The following PCDH9 variants were observed in gnomAD, a reference collection of about 807,000 sequenced individuals.
PCDH9 encodes the protein protocadherin-9.
Under a neutral mutation model 70.6 loss-of-function variants are expected in PCDH9, and 24 were observed. The observed-to-expected ratio is 0.34, with a 90% CI of 0.25 to 0.48. PCDH9 has a LOEUF of 0.48. Ranked by LOEUF, PCDH9 falls within the 20% of genes least tolerant of loss-of-function variation. The pLI, the probability that PCDH9 is intolerant of heterozygous loss-of-function variation, is 0.99. For synonymous variants in PCDH9, 562 were observed against 558.5 expected (o/e 1.01, Z -0.09); for missense variants, 1,281 against 1,503.6 (o/e 0.85, Z 2.45).
chr13:67,179,456 C>T (rs955987887), intron 2 of PCDH9, among the ~76,000 whole-genome samples: 7 of 152,046 alleles, frequency 4.6e-5, no homozygotes, highest in African/African-American at 9.7e-5. Context: ...ATACATATTC[C>T]GTACACAACT....
chr13:66,427,335 C>T (rs887819727), intron 4 of PCDH9, among the ~76,000 whole-genome samples: 1 of 151,722 alleles, frequency 6.6e-6, no homozygotes, highest in East Asian at 1.9e-4. Flanking sequence ...CAAGCAGAAA[C>T]TTATTTAATT....
chr13:67,168,571 T>TAA (rs11392542), intron 2 of PCDH9, among the ~76,000 whole-genome samples: 54 of 147,158 alleles, frequency 3.7e-4, no homozygotes, highest in African/African-American at 1.2e-3. Context: ...TACAAAATGT[T>TAA]AAAAAAAAAA....
chr13:66,868,622 C>A (rs1014022211), intron 3 of PCDH9, among the ~76,000 whole-genome samples: 1 of 151,904 alleles, frequency 6.6e-6, no homozygotes, highest in South Asian at 2.1e-4. Flanking sequence ...CAGACATGAG[C>A]GCATAGTAAA....
chr13:67,096,496 T>A (rs549956492), intron 2 of PCDH9, among the ~76,000 whole-genome samples: 3 of 152,268 alleles, frequency 2.0e-5, no homozygotes, highest in South Asian at 4.1e-4. Context: ...ATTGATAAGG[T>A]TCTCAGCAAC....
chr13:66,558,056 G>A (rs1454210116), intron 4 of PCDH9, among the ~76,000 whole-genome samples: 2 of 152,082 alleles, frequency 1.3e-5, no homozygotes, highest in Admixed American at 6.5e-5. Flanking sequence ...TCAGGAGCCT[G>A]AGGCAGAAGG....
intron 4 of PCDH9, among the ~76,000 whole-genome samples, chr13:66,456,876 G>T (rs73207681): frequency 0.013 from 2,007 of 152,090 alleles, 20 homozygotes; most frequent in East Asian, 0.066. Flanking sequence ...GTACTGCCAT[G>T]GGCTTTGTTA....
At chr13:67,014,216 G>A (rs1200932557) in intron 2 of PCDH9, among the ~76,000 whole-genome samples, 1 of 151,994 alleles carries the variant, frequency 6.6e-6, no homozygotes, top group South Asian at 2.1e-4. Flanking sequence ...TCCCCAAACA[G>A]CTCTTCTGAG....
chr13:66,390,135 T>C (rs1311498721), intron 4 of PCDH9, among the ~76,000 whole-genome samples: 2 of 152,172 alleles, frequency 1.3e-5, no homozygotes, highest in African/African-American at 4.8e-5. Context: ...AATTCACGTA[T>C]CTGTTCTTCA....
chr13:66,326,831 TAA>T (rs1955856857), intron 4 of PCDH9, among the ~76,000 whole-genome samples: 2 of 150,944 alleles, frequency 1.3e-5, no homozygotes, highest in African/African-American at 5.0e-5. Flanking sequence ...TGTATGAATT[TAA>T]GTTTAAAAAA....
rs146838908 is a variant in PCDH9, at chr13:66,898,931, T to C, written c.3138+4573A>G. Among the ~76,000 whole-genome samples, 796 of 152,042 alleles carry C rather than the reference T, an allele frequency of 5.2e-3. 9 individuals are homozygous for C. Among genetic ancestry groups the C allele is most frequent in the African/African-American group, 0.018 (751 of 41,536 alleles). ...TCAAGATCACCTAGGCACCCATAAC[T>C]TTATCTTAATGTGGAGGGAAATTAG... On this transcript the variant is annotated intron_variant, in intron 3 of 4. Transcript: ENST00000377865.
intron 4 of PCDH9, among the ~76,000 whole-genome samples, chr13:66,328,850 C>T (rs2138110843): frequency 6.6e-6 from 1 of 152,146 alleles, no homozygotes; most frequent in Non-Finnish European, 1.5e-5. Context: ...TGGAGACTGT[C>T]CCTAAGAGCT....
At chr13:67,109,341 A>G (rs1171362641) in intron 2 of PCDH9, among the ~76,000 whole-genome samples, 1 of 152,138 alleles carries the variant, frequency 6.6e-6, no homozygotes, top group Non-Finnish European at 1.5e-5. Flanking sequence ...TGCCAATGAG[A>G]TTTAGGTAAT....
chr13:66,802,236 T>C (rs1359072586), intron 3 of PCDH9, among the ~76,000 whole-genome samples: 1 of 152,002 alleles, frequency 6.6e-6, no homozygotes. Flanking sequence ...GATTTGAACA[T>C]GAAAATATCA....
chr13:66,711,305 G>A (rs1030037580), intron 3 of PCDH9, among the ~76,000 whole-genome samples: 3 of 151,702 alleles, frequency 2.0e-5, no homozygotes, highest in Admixed American at 2.0e-4. Context: ...CATTGGGTCT[G>A]TGAATTCAGA....
At chr13:66,871,593 T>C (rs2081687862) in intron 3 of PCDH9, among the ~76,000 whole-genome samples, 1 of 151,936 alleles carries the variant, frequency 6.6e-6, no homozygotes, top group African/African-American at 2.4e-5. Flanking sequence ...TTTGTGATGG[T>C]TTTCTAATTC....
intron 3 of PCDH9, among the ~76,000 whole-genome samples, chr13:66,888,057 A>C (rs1282546097): frequency 2.0e-5 from 3 of 152,208 alleles, no homozygotes; most frequent in Non-Finnish European, 2.9e-5. Flanking sequence ...TACTGAACTC[A>C]GCTTGCAAAC....
chr13:66,682,875 T>C (rs2078347376), intron 3 of PCDH9, among the ~76,000 whole-genome samples: 1 of 152,120 alleles, frequency 6.6e-6, no homozygotes, highest in Non-Finnish European at 1.5e-5. Flanking sequence ...AAAATAGACC[T>C]GTATGGGCAA....
intron 2 of PCDH9, among the ~76,000 whole-genome samples, chr13:67,075,817 A>C (rs2085867608): frequency 1.3e-5 from 2 of 151,868 alleles, no homozygotes; most frequent in Admixed American, 6.6e-5. Context: ...AATAAATGAC[A>C]ATAATAATAA....
chr13:67,153,824 T>A (rs1243422696), intron 2 of PCDH9, among the ~76,000 whole-genome samples: 3 of 152,254 alleles, frequency 2.0e-5, no homozygotes, highest in African/African-American at 7.2e-5. Context: ...TAATAGGCAC[T>A]GATGAAAAAT....
Sources: gnomAD v4.1 joint callset for allele counts (sites outside exome capture counted in the v4.1 genomes callset) on GRCh38, gnomAD v4.1.1 for gene constraint, MANE v1.5 for transcripts, NCBI Gene and HGNC (gene_info 2026-07-23, HGNC 2026-07-21) for gene names.